Variants in ADCY2 observed in about 807,000 individuals in gnomAD.
The protein encoded by ADCY2 is adenylate cyclase 2.
Under a neutral mutation model 125.2 loss-of-function variants are expected in ADCY2, and 31 were observed. That is an observed-to-expected ratio of 0.25 (90% CI 0.19 to 0.33). ADCY2 has a LOEUF of 0.33. Ranked by LOEUF, ADCY2 falls within the 10% of genes least tolerant of loss-of-function variation. ADCY2 has a pLI of 1.00. For synonymous variants in ADCY2, 512 were observed against 548.4 expected (o/e 0.93, Z 0.93); for missense variants, 904 against 1,418.2 (o/e 0.64, Z 5.82).
intron 14 of ADCY2, among the ~76,000 whole-genome samples, chr5:7,732,395 TC>T (rs1742129637): frequency 6.6e-6 from 1 of 152,200 alleles, no homozygotes; most frequent in South Asian, 2.1e-4. Flanking sequence ...TTCGTGTTAG[TC>T]AAATGCCTGG....
chr5:7,749,130 T>G (rs943460844), intron 15 of ADCY2, among the ~76,000 whole-genome samples: 3 of 152,196 alleles, frequency 2.0e-5, no homozygotes, highest in African/African-American at 7.2e-5. Flanking sequence ...AAAATCACAT[T>G]GGTAAGTCAT....
At chr5:7,660,237 AGAGAAG>A (rs1739475526) in intron 4 of ADCY2, among the ~76,000 whole-genome samples, 23 of 135,844 alleles carry the variant, frequency 1.7e-4, no homozygotes, top group East Asian at 7.2e-4. Flanking sequence ...GGAGGGAGGG[AGAGAAG>A]GAAGGAAGGA....
chr5:7,462,727 G>A (rs1376709291), intron 2 of ADCY2, among the ~76,000 whole-genome samples: 1 of 152,216 alleles, frequency 6.6e-6, no homozygotes, highest in Non-Finnish European at 1.5e-5. Context: ...TTCTTTTTCA[G>A]TGTCAGGTGC....
intron 4 of ADCY2, among the ~76,000 whole-genome samples, chr5:7,648,068 A>G (rs147978315): frequency 6.6e-6 from 1 of 152,332 alleles, no homozygotes; most frequent in East Asian, 1.9e-4. Flanking sequence ...TCCAGCCTTA[A>G]TAGTCCATGA....
chr5:7,794,928 T>A (rs747713279), intron 20 of ADCY2: 1 of 152,102 alleles, frequency 6.6e-6, no homozygotes, highest in East Asian at 1.9e-4. Context: ...ACATCCTGCC[T>A]GAGCTCTTTT....
At chr5:7,563,189 A>G (rs1735777456) in intron 3 of ADCY2, among the ~76,000 whole-genome samples, 1 of 152,222 alleles carries the variant, frequency 6.6e-6, no homozygotes, top group Non-Finnish European at 1.5e-5. Flanking sequence ...TGGAACCAAC[A>G]TGAACTTGCT....
intron 15 of ADCY2, among the ~76,000 whole-genome samples, chr5:7,754,956 G>A (rs1165559893): frequency 6.6e-6 from 1 of 152,168 alleles, no homozygotes; most frequent in East Asian, 1.9e-4. Context: ...AGTATTATTA[G>A]AAGTAGCATG....
At chr5:7,789,822 GCT>G in intron 20 of ADCY2, 22 bp downstream of exon 20, 1 of 1,460,706 alleles carries the variant, frequency 6.8e-7, no homozygotes, top group Admixed American at 2.6e-5. Flanking sequence ...GGGGCTGGGG[GCT>G]GGGGGAGGGG....
chr5:7,742,648 G>T (rs892758712), intron 14 of ADCY2, among the ~76,000 whole-genome samples: 4 of 152,176 alleles, frequency 2.6e-5, no homozygotes, highest in Admixed American at 6.5e-5. Context: ...AGCATCAGGA[G>T]CTTTACTCAG....
rs1051960514 is a variant in ADCY2 at position 7,827,486 on chromosome 5, A to G, written c.*615A>G. On this transcript the variant is annotated 3_prime_UTR_variant, in exon 25 of 25. Coordinates refer to ENST00000338316, the MANE Select transcript of ADCY2 (RefSeq NM_020546.3). ...CAAACTCGTCTGATGTTTTGATGCC[A>G]TTTGTCTTTTGTAAAGTTAATTCAT... 6.6e-6 allele frequency: 1 copy of G among 152,448 alleles called. No homozygotes were observed. The highest frequency in any genetic ancestry group is 2.4e-5 in the African/African-American group (1 of 41,426). The allele number at this position is 152,448 out of a possible 1,614,324, so 9.4% of individuals were successfully genotyped here.
chr5:7,685,763 T>C (rs1579314864), intron 4 of ADCY2, among the ~76,000 whole-genome samples: 1 of 152,150 alleles, frequency 6.6e-6, no homozygotes, highest in South Asian at 2.1e-4. Context: ...AGATGCGTGA[T>C]AGGAGCTGGG....
chr5:7,405,859 C>T (rs892512692), intron 1 of ADCY2, among the ~76,000 whole-genome samples: 3 of 152,042 alleles, frequency 2.0e-5, no homozygotes, highest in Non-Finnish European at 4.4e-5. Context: ...AGTTTATTCC[C>T]ATTTATTTAT....
chr5:7,520,606 T>G, intron 2 of ADCY2, 132 bp from the exon 3 acceptor site: 1 of 960,028 alleles, frequency 1.0e-6, no homozygotes, highest in South Asian at 1.7e-5. Flanking sequence ...ACTGCCCTAT[T>G]TTGTCTATAG....
In ADCY2 at chr5:7,479,421, T is replaced by C. The variant is rs148682956; in HGVS notation, c.409-41317T>C. On this transcript the variant is annotated intron_variant, in intron 2 of 24. Transcript: ENST00000338316. ...TAAATCTGTTCCATCAATAATAAAA[T>C]GGAGGAATCATTATATTTTATTTTA... Among the ~76,000 whole-genome samples the C allele has an allele frequency of 4.6e-5, 7 of 152,192 alleles. No individual in the cohort carries two copies. The East Asian group carries it at 1.4e-3, about 29-fold the overall frequency.
chr5:7,730,988 G>A (rs1015368139), intron 14 of ADCY2, among the ~76,000 whole-genome samples: 3 of 151,972 alleles, frequency 2.0e-5, no homozygotes, highest in South Asian at 2.1e-4. Flanking sequence ...CGATTGTCTC[G>A]ATTGTCTATT....
At position 7,520,723 on chromosome 5, in the gene ADCY2, C is replaced by T; in HGVS notation, c.409-15C>T. 1 of 1,613,664 alleles carries T rather than the reference C, an allele frequency of 6.2e-7. No individual in the cohort carries two copies. Among genetic ancestry groups the T allele is most frequent in the Non-Finnish European group, 8.5e-7 (1 of 1,179,678 alleles). On this transcript the variant is annotated splice_polypyrimidine_tract_variant and intron_variant, in intron 2 of 24. Coordinates refer to ENST00000338316, the MANE Select transcript of ADCY2 (RefSeq NM_020546.3). ...ATATTTGGTGACTCTTATTGTTCTT[C>T]TTCTCTGCCCGTAGGTATCGTTCTT...
intron 23 of ADCY2, among the ~76,000 whole-genome samples, chr5:7,820,106 A>G (rs1189945734): frequency 6.6e-6 from 1 of 152,180 alleles, no homozygotes; most frequent in Non-Finnish European, 1.5e-5. Context: ...CCACAAAATC[A>G]AAGGAGAATT....
chr5:7,698,520 A>G, intron 7 of ADCY2, 146 bp downstream of exon 7: 2 of 821,034 alleles, frequency 2.4e-6, no homozygotes, highest in Non-Finnish European at 3.9e-6. Context: ...AGGTATTTCT[A>G]CTAATGCTAT....
Position 7,736,686 on chromosome 5 carries a change from C to T in ADCY2, c.1872-6982C>T, listed in dbSNP as rs1411181945. 2.6e-5 allele frequency among the ~76,000 whole-genome samples: 4 copies of T among 151,974 alleles called. No homozygotes were observed. The East Asian group carries it at 7.7e-4, about 29-fold the overall frequency. ...TCTATTTGACCTGACTTCAGAATGT[C>T]TCTGTCAACTCTCTTCATGGTGGAA... On this transcript the variant is annotated intron_variant, in intron 14 of 24. Coordinates refer to ENST00000338316, the MANE Select transcript of ADCY2 (RefSeq NM_020546.3).
Sources: allele counts gnomAD v4.1 joint callset (sites outside exome capture counted in the v4.1 genomes callset), GRCh38; gene constraint gnomAD v4.1.1; transcripts MANE v1.5; gene names NCBI Gene and HGNC (gene_info 2026-07-23, HGNC 2026-07-21).